The following HDAC9 variants were observed in gnomAD, a reference collection of about 807,000 sequenced individuals.
The protein encoded by HDAC9 is MEF-2 interacting transcription repressor (MITR) protein.
In HDAC9, 41 loss-of-function variants were observed where a neutral mutation model predicts 139.4. The observed-to-expected ratio is 0.29, with a 90% confidence interval of 0.23 to 0.38. The LOEUF (loss-of-function observed/expected upper bound fraction) is 0.38. Among genes scored for constraint, HDAC9 ranks in the 10% least tolerant of loss-of-function variants. The pLI, the probability that HDAC9 is intolerant of heterozygous loss-of-function variation, is 1.00. For synonymous variants in HDAC9, 517 were observed against 476.2 expected, an observed-to-expected ratio of 1.09 and a Z score of -1.12; for missense variants, 1,147 against 1,297.0, an observed-to-expected ratio of 0.88 and a Z score of 1.78.
chr7:18,975,510 T>A (rs1029648283), intron 24 of HDAC9, among the ~76,000 whole-genome samples: 2 of 152,178 alleles, frequency 1.3e-5, no homozygotes, highest in African/African-American at 4.8e-5. Flanking sequence ...TTTGCTTACT[T>A]AGTTGCAGAG....
intron 22 of HDAC9, among the ~76,000 whole-genome samples, chr7:18,891,293 A>T (rs1457157964): frequency 6.6e-6 from 1 of 152,210 alleles, no homozygotes; most frequent in Non-Finnish European, 1.5e-5. Flanking sequence ...TATGAAATGT[A>T]GTTAATTTCA....
intron 2 of HDAC9, among the ~76,000 whole-genome samples, chr7:18,534,358 C>T (rs372117321): frequency 1.3e-5 from 2 of 152,036 alleles, no homozygotes; most frequent in Admixed American, 6.6e-5. Flanking sequence ...CTGGACAACA[C>T]GGTGTGACCC....
In HDAC9 at chr7:18,332,945, A is replaced by G. The variant is rs181107851; in HGVS notation, c.-42+42430A>G. On this transcript the variant is annotated intron_variant, in intron 1 of 3. Coordinates refer to the HDAC9 transcript ENST00000413509. Reference sequence around the variant, plus strand: ...AATTTACACAAGGATCCCTTCTCAGAGTATTTACTAAAGTCTGAAAAGCCT... The same window carrying G: ...AATTTACACAAGGATCCCTTCTCAGGGTATTTACTAAAGTCTGAAAAGCCT... 6.6e-5 allele frequency among the ~76,000 whole-genome samples: 10 copies of G among 151,690 alleles called. No individual in the cohort carries two copies. In the East Asian group the frequency reaches 1.8e-3, roughly 27 times the overall value.
chr7:18,499,044 A>G (rs1254742263), intron 2 of HDAC9, among the ~76,000 whole-genome samples: 1 of 150,700 alleles, frequency 6.6e-6, no homozygotes, highest in East Asian at 2.0e-4. Context: ...GATCTTTCCT[A>G]TGCAGACTAT....
intron 2 of HDAC9, among the ~76,000 whole-genome samples, chr7:18,574,188 C>G (rs138581963): frequency 2.1e-4 from 32 of 152,326 alleles, no homozygotes; most frequent in African/African-American, 7.7e-4. Context: ...GTGGTTAGCT[C>G]CTTTCTCCAG....
chr7:18,653,986 C>CTG (rs1790225142), intron 11 of HDAC9, among the ~76,000 whole-genome samples: 1 of 151,884 alleles, frequency 6.6e-6, no homozygotes, highest in Non-Finnish European at 1.5e-5. Context: ...GCATGCATGC[C>CTG]TGTGTGTGTG....
At chr7:18,088,531 G>C (rs537204107) in intron 1 of HDAC9, among the ~76,000 whole-genome samples, 74 of 152,282 alleles carry the variant, frequency 4.9e-4, no homozygotes, top group African/African-American at 1.7e-3. Context: ...GAAAAGGCCT[G>C]GATGTTTTCT....
chr7:18,145,765 G>A (rs2128114239), intron 1 of HDAC9, among the ~76,000 whole-genome samples: 1 of 152,256 alleles, frequency 6.6e-6, no homozygotes, highest in African/African-American at 2.4e-5. Context: ...GATAGGGGTT[G>A]TATTCAGATA....
intron 2 of HDAC9, among the ~76,000 whole-genome samples, chr7:18,557,720 A>AATTAT (rs201101583): frequency 0.018 from 2,634 of 148,798 alleles, 84 homozygotes; most frequent in African/African-American, 0.06. Context: ...AAATATTAAC[A>AATTAT]ATTATAATGA....
intron 2 of HDAC9, among the ~76,000 whole-genome samples, chr7:18,251,494 G>A (rs990108695): frequency 3.9e-5 from 6 of 152,086 alleles, no homozygotes; most frequent in African/African-American, 1.4e-4. Context: ...TGTGCATTGT[G>A]CACATGTACC....
intron 2 of HDAC9, among the ~76,000 whole-genome samples, chr7:18,266,598 A>T (rs1473239519): frequency 6.6e-6 from 1 of 152,052 alleles, no homozygotes; most frequent in African/African-American, 2.4e-5. Flanking sequence ...AATAAAATTA[A>T]TTTTTTCCTG....
chr7:18,249,092 A>T (rs1794746687), intron 2 of HDAC9, among the ~76,000 whole-genome samples: 1 of 152,240 alleles, frequency 6.6e-6, no homozygotes, highest in African/African-American at 2.4e-5. Flanking sequence ...CCCAAAGCTC[A>T]TAAAAAAATC....
At chr7:18,855,379 C>A (rs1277284428) in intron 21 of HDAC9, among the ~76,000 whole-genome samples, 3 of 152,128 alleles carry the variant, frequency 2.0e-5, no homozygotes, top group African/African-American at 7.2e-5. Context: ...CCTCTATTTA[C>A]AGAAAATAGT....
At chr7:18,449,856 A>G (rs1792651992) in intron 1 of HDAC9, among the ~76,000 whole-genome samples, 1 of 152,122 alleles carries the variant, frequency 6.6e-6, no homozygotes, top group African/African-American at 2.4e-5. Context: ...AGATAATGAA[A>G]ATCTCCAATT....
In HDAC9 at chr7:18,804,937, G is replaced by A. The variant is rs191210593; in HGVS notation, c.2322+11485G>A. 5.6e-3 allele frequency among the ~76,000 whole-genome samples: 849 copies of A among 152,284 alleles called. 4 individuals are homozygous for A. Among genetic ancestry groups the A allele is most frequent in the Admixed American group, 9.6e-3 (147 of 15,302 alleles). On this transcript the variant is annotated intron_variant, in intron 17 of 25. Coordinates refer to ENST00000686413, the MANE Select transcript of HDAC9 (RefSeq NM_178425.4). Reference sequence around the variant, plus strand: ...AGCCCCCTGAGTAGCTGGGACTACAGGTGCCTGCCATCACGCCTGGCTAAT... The same window carrying A: ...AGCCCCCTGAGTAGCTGGGACTACAAGTGCCTGCCATCACGCCTGGCTAAT...
chr7:18,414,553 C>A (rs557012842), intron 1 of HDAC9, among the ~76,000 whole-genome samples: 6 of 152,052 alleles, frequency 3.9e-5, no homozygotes, highest in African/African-American at 1.4e-4. Context: ...GTCTAAAATG[C>A]CTTTTAGATA....
chr7:18,206,598 C>A (rs1429972924), intron 2 of HDAC9, among the ~76,000 whole-genome samples: 1 of 151,922 alleles, frequency 6.6e-6, no homozygotes, highest in East Asian at 1.9e-4. Context: ...AGAAATTCAG[C>A]CTTTCAATTA....
chr7:18,325,324 C>T (rs973607618), intron 1 of HDAC9, among the ~76,000 whole-genome samples: 7 of 151,986 alleles, frequency 4.6e-5, no homozygotes, highest in African/African-American at 7.3e-5. Flanking sequence ...TCAATTTCCC[C>T]AGTTGACATT....
chr7:18,403,156 A>T (rs1327569630), intron 1 of HDAC9, among the ~76,000 whole-genome samples: 1 of 152,234 alleles, frequency 6.6e-6, no homozygotes, highest in Non-Finnish European at 1.5e-5. Context: ...GACTGTGTGT[A>T]CATACAGACT....
Sources: allele counts gnomAD v4.1 joint callset (sites outside exome capture counted in the v4.1 genomes callset), GRCh38; gene constraint gnomAD v4.1.1; transcripts MANE v1.5; gene names NCBI Gene and HGNC (gene_info 2026-07-23, HGNC 2026-07-21).